CRPPA: variants seen among roughly 807,000 people sequenced by gnomAD.
CRPPA encodes D-ribitol-5-phosphate cytidylyltransferase.
CRPPA carries 43 observed loss-of-function variants against 52.0 expected under a neutral mutation model. That is an observed-to-expected ratio of 0.83 (90% CI 0.65 to 1.07). CRPPA has a LOEUF of 1.07. Ranked by LOEUF, CRPPA falls within the 50% of genes least tolerant of loss-of-function variation. The pLI is 0.00. For synonymous variants in CRPPA, 250 were observed against 203.5 expected (o/e 1.23, Z -1.94); for missense variants, 629 against 551.7 (o/e 1.14, Z -1.40).
intron 8 of CRPPA, among the ~76,000 whole-genome samples, chr7:16,235,287 G>GT (rs1183426282): frequency 1.3e-4 from 19 of 151,766 alleles, no homozygotes; most frequent in African/African-American, 4.4e-4. Context: ...AGGATGACAT[G>GT]TAGGGATAAA....
chr7:16,285,633 C>T lies in CRPPA; in HGVS notation c.836-7407G>A, dbSNP rs759342618. On this transcript the variant is annotated intron_variant, in intron 5 of 9. Coordinates refer to ENST00000407010, the MANE Select transcript of CRPPA (RefSeq NM_001101426.4). ...AAGTCTATAGACTTATATTGAAAAC[C>T]GTAAGCACTAGTTAAGAAGCCCAAA... 2.0e-5 allele frequency among the ~76,000 whole-genome samples: 3 copies of T among 152,030 alleles called. No homozygotes were observed. In the South Asian group the frequency reaches 6.3e-4, roughly 32 times the overall value.
intron 2 of CRPPA, among the ~76,000 whole-genome samples, chr7:16,399,923 G>A (rs17169460): frequency 0.029 from 4,386 of 152,066 alleles, 224 homozygotes; most frequent in African/African-American, 0.099. Flanking sequence ...TGTGACAGGC[G>A]TGTTATGTGA....
At chr7:16,407,624 T>A (rs891076588) in intron 1 of CRPPA, among the ~76,000 whole-genome samples, 2 of 152,182 alleles carry the variant, frequency 1.3e-5, no homozygotes, top group Non-Finnish European at 2.9e-5. Flanking sequence ...GAAGTTAACA[T>A]TGGGTTGCCT....
chr7:16,320,495 G>A (rs946193822), intron 3 of CRPPA, among the ~76,000 whole-genome samples: 8 of 152,092 alleles, frequency 5.3e-5, no homozygotes, highest in African/African-American at 9.6e-5. Context: ...AATGGTCCAC[G>A]GCTACAGATA....
intron 6 of CRPPA, among the ~76,000 whole-genome samples, chr7:16,273,326 T>C (rs1369883138): frequency 6.6e-6 from 1 of 151,592 alleles, no homozygotes; most frequent in Non-Finnish European, 1.5e-5. Context: ...CTTGTACCCA[T>C]AAAAAACCCC....
chr7:16,298,106 A>G (rs1420337150), intron 5 of CRPPA, among the ~76,000 whole-genome samples: 7 of 152,098 alleles, frequency 4.6e-5, no homozygotes, highest in Non-Finnish European at 7.4e-5. Context: ...TTCTACTATC[A>G]GAGACAATTT....
chr7:16,112,179 G>C (rs1302380386), intron 9 of CRPPA, among the ~76,000 whole-genome samples: 1 of 152,130 alleles, frequency 6.6e-6, no homozygotes, highest in Non-Finnish European at 1.5e-5. Flanking sequence ...GCCAGGTGTG[G>C]TGGCATGTGC....
intron 3 of CRPPA, among the ~76,000 whole-genome samples, chr7:16,312,142 G>C (rs1785047335): frequency 6.6e-6 from 1 of 151,974 alleles, no homozygotes; most frequent in Non-Finnish European, 1.5e-5. Flanking sequence ...GAATAAGTTT[G>C]TCAATACTCC....
At chr7:16,182,167 T>C (rs1293421329) in intron 9 of CRPPA, among the ~76,000 whole-genome samples, 2 of 151,998 alleles carry the variant, frequency 1.3e-5, no homozygotes, top group Non-Finnish European at 2.9e-5. Context: ...GTTCTATAAC[T>C]ACCCAACTAA....
chr7:16,357,373 T>C (rs1786328084), intron 3 of CRPPA, among the ~76,000 whole-genome samples: 1 of 152,048 alleles, frequency 6.6e-6, no homozygotes, highest in Non-Finnish European at 1.5e-5. Context: ...GATACAGGAT[T>C]TTACCATGTT....
In CRPPA at chr7:16,421,144, A is replaced by G; in HGVS notation, c.179T>C (p.Met60Thr). 1.5e-6 allele frequency: 2 copies of G among 1,332,566 alleles called. No homozygotes were observed. The highest frequency in any genetic ancestry group is 2.1e-5 in the South Asian group (1 of 46,992). The allele number at this position is 1,332,566 out of a possible 1,614,324, so 82.5% of individuals were successfully genotyped here. Residue 60 changes from methionine to threonine, a missense_variant, in exon 1 of 10, where the codon ATG becomes ACG. Met to Thr is a moderately conservative substitution (Grantham distance 81, BLOSUM62 -1). Transcript: ENST00000407010. ...GAATTGCTTCGGGGTGGGGACCCCCATCCTCTCCCCGCACCCCCCGGCAGG... is the reference window on the plus strand; with the variant it reads ...GAATTGCTTCGGGGTGGGGACCCCCGTCCTCTCCCCGCACCCCCCGGCAGG... Reference protein sequence around the residue: ...VLPAGGCGERMGVPTPKQFCP... With the variant: ...VLPAGGCGERTGVPTPKQFCP...
chr7:16,221,636 G>T (rs1305963831), intron 8 of CRPPA, among the ~76,000 whole-genome samples: 1 of 151,750 alleles, frequency 6.6e-6, no homozygotes, highest in African/African-American at 2.4e-5. Context: ...GTGGGCGAAG[G>T]ACATGAACAG....
chr7:16,334,749 C>A (rs929210363), intron 3 of CRPPA, among the ~76,000 whole-genome samples: 3 of 152,048 alleles, frequency 2.0e-5, no homozygotes, highest in African/African-American at 7.2e-5. Context: ...AGGAAGCAAC[C>A]GAGCCCAATT....
intron 9 of CRPPA, among the ~76,000 whole-genome samples, chr7:16,144,560 C>T (rs1256083201): frequency 6.6e-6 from 1 of 152,180 alleles, no homozygotes; most frequent in Non-Finnish European, 1.5e-5. Flanking sequence ...GGCGTAGGTA[C>T]AATGGAATGT....
At chr7:16,172,503 G>T (rs1369690516) in intron 9 of CRPPA, among the ~76,000 whole-genome samples, 1 of 152,182 alleles carries the variant, frequency 6.6e-6, no homozygotes, top group Non-Finnish European at 1.5e-5. Flanking sequence ...ACAACATTTG[G>T]TTATATGTCA....
rs369193825 is a variant in CRPPA, at chr7:16,308,536, G to A, written c.776C>T (p.Pro259Leu). ...CTKAKLVEGS[P>L]DLWKVTYKRD... The stretch of plus-strand genomic sequence containing the variant: ...CATCCCTCTTACCTTCCAGAGGTCA[G>A]GTGATCCTTCTACAAGTTTGGCTTT... The change falls in exon 4 of 10, where the codon CCT becomes CTT. Residue 259 changes from proline to leucine, a missense_variant. Transcript: ENST00000407010. 27 of 1,597,178 alleles carry A rather than the reference G, an allele frequency of 1.7e-5. No homozygotes were observed. The African/African-American group carries it at 3.5e-4, about 21-fold the overall frequency.
chr7:16,419,576 C>A (rs896765014), intron 1 of CRPPA, among the ~76,000 whole-genome samples: 1 of 152,170 alleles, frequency 6.6e-6, no homozygotes, highest in Non-Finnish European at 1.5e-5. Context: ...CCAAATTGCT[C>A]CTGGGGATAA....
intron 4 of CRPPA, 150 bp downstream of exon 4, chr7:16,308,373 A>G (rs1784960296): frequency 1.8e-6 from 1 of 559,078 alleles, no homozygotes; most frequent in East Asian, 2.8e-5. Context: ...CTTGAAGCCA[A>G]GCAATAGAAG....
intron 2 of CRPPA, among the ~76,000 whole-genome samples, chr7:16,389,931 ATATAT>A (rs1787399419): frequency 9.4e-5 from 9 of 95,978 alleles, no homozygotes; most frequent in African/African-American, 3.4e-4. Context: ...AAAAAAAAAT[ATATAT>A]ATATATATAT....
Sources: allele counts gnomAD v4.1 joint callset (sites outside exome capture counted in the v4.1 genomes callset), GRCh38; gene constraint gnomAD v4.1.1; transcripts MANE v1.5; gene names NCBI Gene and HGNC (gene_info 2026-07-23, HGNC 2026-07-21).